The following THEMIS variants were observed in gnomAD, a reference collection of about 807,000 sequenced individuals.
THEMIS encodes the protein thymocyte selection associated.
Under a neutral mutation model 52.6 loss-of-function variants are expected in THEMIS, and 37 were observed. That is an observed-to-expected ratio of 0.70 (90% CI 0.54 to 0.93). The LOEUF (loss-of-function observed/expected upper bound fraction) is 0.93. Among genes scored for constraint, THEMIS ranks in the 40% least tolerant of loss-of-function variants. THEMIS has a pLI of 0.00. For missense variants in THEMIS, 808 were observed against 763.1 expected (o/e 1.06, Z -0.69); for synonymous variants, 292 against 272.7 (o/e 1.07, Z -0.70).
chr6:127,718,627 A>G (rs1364692272), intron 5 of THEMIS, among the ~76,000 whole-genome samples: 1 of 152,010 alleles, frequency 6.6e-6, no homozygotes, highest in Non-Finnish European at 1.5e-5. Context: ...CAATGAATTA[A>G]TAATGGCTTG....
intron 2 of THEMIS, among the ~76,000 whole-genome samples, chr6:127,850,810 C>T (rs947516019): frequency 6.6e-6 from 1 of 151,282 alleles, no homozygotes; most frequent in Admixed American, 6.6e-5. Flanking sequence ...GGTGGGTGCA[C>T]TAAAATCTCA....
intron 4 of THEMIS, among the ~76,000 whole-genome samples, chr6:127,759,874 C>G: frequency 8.3e-6 from 1 of 119,856 alleles, no homozygotes; most frequent in East Asian, 2.9e-4. Flanking sequence ...TTCCTTCCTT[C>G]CTTCCTCTCT....
chr6:127,806,110 A>G (rs368466574), intron 4 of THEMIS, among the ~76,000 whole-genome samples: 2 of 152,118 alleles, frequency 1.3e-5, no homozygotes, highest in South Asian at 4.1e-4. Context: ...CTCTCACTTA[A>G]TACATACTGT....
intron 1 of THEMIS, among the ~76,000 whole-genome samples, chr6:127,873,559 A>G (rs1780220333): frequency 6.6e-6 from 1 of 152,222 alleles, no homozygotes; most frequent in Non-Finnish European, 1.5e-5. Flanking sequence ...TTAAAGAACA[A>G]CAACAAAGTA....
chr6:127,850,649 A>G lies in THEMIS; in HGVS notation c.250+4381T>C, dbSNP rs568539614. Among the ~76,000 whole-genome samples the G allele has an allele frequency of 2.2e-4, 34 of 152,028 alleles. No individual in the cohort carries two copies. In the South Asian group the frequency reaches 6.8e-3, roughly 31 times the overall value. On this transcript the variant is annotated intron_variant, in intron 2 of 5. Transcript: ENST00000368248. Reference sequence around the variant, plus strand: ...ATAACTCAGGAATGAAAAACAAAATATCATATTTTCTCACTTACAAGTAGG... The same window carrying G: ...ATAACTCAGGAATGAAAAACAAAATGTCATATTTTCTCACTTACAAGTAGG...
At chr6:127,770,514 C>T (rs1776347933) in intron 4 of THEMIS, among the ~76,000 whole-genome samples, 1 of 152,004 alleles carries the variant, frequency 6.6e-6, no homozygotes, top group Admixed American at 6.6e-5. Flanking sequence ...TTTGTAGATT[C>T]TGGATATTAG....
In THEMIS at chr6:127,813,101, G is replaced by C; in HGVS notation, c.1540C>G (p.Gln514Glu). The C allele has an allele frequency of 6.2e-7, 1 of 1,613,982 alleles. No individual in the cohort carries two copies. Among genetic ancestry groups the C allele is most frequent in the Non-Finnish European group, 8.5e-7 (1 of 1,179,988 alleles). Reference protein sequence around the residue: ...IPVGRLNMTVQLVSNFSRDAE... With the variant: ...IPVGRLNMTVELVSNFSRDAE... ...TCCCTAGAGAAATTACTAACTAACTGAACAGTCATATTCAAGCGGCCCACA... is the reference window on the plus strand; with the variant it reads ...TCCCTAGAGAAATTACTAACTAACTCAACAGTCATATTCAAGCGGCCCACA... The change falls in exon 4 of 6, where the codon CAG becomes GAG. Residue 514 changes from glutamine to glutamate, a missense_variant. Transcript: ENST00000368248.
chr6:127,798,049 G>C (rs914724409), intron 4 of THEMIS, among the ~76,000 whole-genome samples: 3 of 152,170 alleles, frequency 2.0e-5, no homozygotes, highest in African/African-American at 7.2e-5. Context: ...GTGTTCATAC[G>C]TCACTTTATC....
intron 1 of THEMIS, among the ~76,000 whole-genome samples, chr6:127,916,447 G>T (rs1781529397): frequency 6.6e-6 from 1 of 152,128 alleles, no homozygotes; most frequent in South Asian, 2.1e-4. Flanking sequence ...AGGTGAAGAT[G>T]ATTAATGGTG....
rs145798382 is a variant in THEMIS, at chr6:127,855,078, C to T, written c.202G>A (p.Glu68Lys). Residue 68 changes from glutamate (E) to lysine (K), a missense_variant, in exon 2 of 6, where the codon GAA (glutamate) becomes AAA (lysine). Transcript: ENST00000368248. Reference sequence around the variant, plus strand: ...AATGGCTGTAGAGACTCACAACCTTCAATCTGCTCACAAATTTCAGCTATG... The same window carrying T: ...AATGGCTGTAGAGACTCACAACCTTTAATCTGCTCACAAATTTCAGCTATG... ...KIIAEICEQI[E>K]GCESLQPFEL... 1 of 1,611,360 alleles carries T rather than the reference C, an allele frequency of 6.2e-7. No individual in the cohort carries two copies. The highest frequency in any genetic ancestry group is 8.5e-7 in the Non-Finnish European group (1 of 1,178,540).
chr6:127,877,178 T>C (rs1007577843), intron 1 of THEMIS, among the ~76,000 whole-genome samples: 10 of 152,178 alleles, frequency 6.6e-5, no homozygotes, highest in African/African-American at 2.2e-4. Context: ...TTGACGGCCT[T>C]GATCTGAATT....
At chr6:127,800,630 A>C (rs1777500039) in intron 4 of THEMIS, among the ~76,000 whole-genome samples, 1 of 152,224 alleles carries the variant, frequency 6.6e-6, no homozygotes, top group African/African-American at 2.4e-5. Flanking sequence ...TTAACGTTTG[A>C]GTCAGTGGGC....
chr6:127,852,571 A>C (rs1779467266), intron 2 of THEMIS, among the ~76,000 whole-genome samples: 1 of 151,584 alleles, frequency 6.6e-6, no homozygotes, highest in Non-Finnish European at 1.5e-5. Flanking sequence ...TAGCAAAAGG[A>C]AATTTTGGGA....
intron 1 of THEMIS, among the ~76,000 whole-genome samples, chr6:127,909,496 G>T (rs2114526373): frequency 6.6e-6 from 1 of 152,216 alleles, no homozygotes; most frequent in South Asian, 2.1e-4. Context: ...GGACATGTTT[G>T]CTTTGCCTTC....
At chr6:127,857,179 G>T (rs1779646438) in intron 1 of THEMIS, among the ~76,000 whole-genome samples, 1 of 151,946 alleles carries the variant, frequency 6.6e-6, no homozygotes, top group South Asian at 2.1e-4. Flanking sequence ...GAACAATTAA[G>T]CAGACAATTG....
At chr6:127,822,948 A>G (rs928995200) in intron 3 of THEMIS, among the ~76,000 whole-genome samples, 1 of 152,122 alleles carries the variant, frequency 6.6e-6, no homozygotes. Context: ...CAACTCCCAT[A>G]CTTGCATGAG....
Position 127,813,072 on chromosome 6 carries a change from T to A in THEMIS, c.1569A>T (p.Ala523=), listed in dbSNP as rs756249902. 6.2e-7 allele frequency: 1 copy of A among 1,614,160 alleles called. No homozygotes were observed. The highest frequency in any genetic ancestry group is 8.5e-7 in the Non-Finnish European group (1 of 1,180,022). ...CCAGAGTCCTGACTAGAAATGGTTC[T>A]GCATCCCTAGAGAAATTACTAACTA... The part of the protein sequence containing the change: ...VQLVSNFSRD[A]EPFLVRTLVE... Residue 523 remains alanine (A), a synonymous_variant, in exon 4 of 6, where the codon GCA becomes GCT. Transcript: ENST00000368248.
chr6:127,753,147 G>C (rs1028195912), intron 4 of THEMIS, among the ~76,000 whole-genome samples: 1 of 151,870 alleles, frequency 6.6e-6, no homozygotes, highest in African/African-American at 2.4e-5. Context: ...TTAATTAGGT[G>C]TAAAAGGAAC....
At chr6:127,726,271 A>G (rs1311822017) in intron 4 of THEMIS, among the ~76,000 whole-genome samples, 1 of 152,120 alleles carries the variant, frequency 6.6e-6, no homozygotes, top group African/African-American at 2.4e-5. Flanking sequence ...CAGTAGCCCT[A>G]TGGAAAAGAA....
Sources: allele counts gnomAD v4.1 joint callset (sites outside exome capture counted in the v4.1 genomes callset), GRCh38; gene constraint gnomAD v4.1.1; transcripts MANE v1.5; gene names NCBI Gene and HGNC (gene_info 2026-07-23, HGNC 2026-07-21).